GATAD1: variants seen among roughly 807,000 people sequenced by gnomAD.
The protein encoded by GATAD1 is GATA zinc finger domain containing 1.
Under a neutral mutation model 26.5 loss-of-function variants are expected in GATAD1, and 12 were observed. The ratio of observed to expected loss-of-function variants is 0.45; its 90% CI spans 0.29 to 0.73. GATAD1 has a LOEUF of 0.73. Ranked by LOEUF, GATAD1 falls within the 30% of genes least tolerant of loss-of-function variation. GATAD1 has a pLI of 0.10. For missense variants in GATAD1, 266 were observed against 342.1 expected (o/e 0.78, Z 1.75); for synonymous variants, 129 against 133.1 (o/e 0.97, Z 0.21).
chr7:92,452,115 C>G (rs1450292443), intron 3 of GATAD1, among the ~76,000 whole-genome samples: 7 of 152,240 alleles, frequency 4.6e-5, no homozygotes, highest in African/African-American at 1.7e-4. Context: ...ATCACATCTT[C>G]GTATTTGTGC....
At chr7:92,453,396 A>T (rs924163047) in intron 3 of GATAD1, among the ~76,000 whole-genome samples, 1 of 152,216 alleles carries the variant, frequency 6.6e-6, no homozygotes, top group Non-Finnish European at 1.5e-5. Flanking sequence ...AGACCCAGGG[A>T]AGAGGACATA....
In GATAD1 at chr7:92,447,531, CGCCTGCGGA is replaced by C. The variant is rs1475704803; in HGVS notation, c.-195_-187del. The C allele has an allele frequency of 3.7e-6, 2 of 544,284 alleles. No individual in the cohort carries two copies. Among genetic ancestry groups the C allele is most frequent in the East Asian group, 4.3e-5 (1 of 23,026 alleles). 33.7% of individuals were successfully genotyped at this position (544,284 alleles called of 1,614,324 possible). On this transcript the variant is annotated 5_prime_UTR_variant, in exon 1 of 5. Transcript: ENST00000287957. The stretch of plus-strand genomic sequence containing the variant: ...CCTCGGGCCAGGGAATCCTGGCCTC[CGCCTGCGGA>C]GCCGGCGGAACCCGCTTCCCGCCTC...
the GATAD1 span, among the ~76,000 whole-genome samples, chr7:92,483,244 CA>C: frequency 1.3e-5 from 2 of 152,204 alleles, no homozygotes; most frequent in African/African-American, 2.4e-5. Context: ...AGATTTCCGG[CA>C]CTTGAAGCAA....
chr7:92,490,097 C>G, the GATAD1 span: 1 of 624,290 alleles, frequency 1.6e-6, no homozygotes, highest in Admixed American at 2.6e-5. Context: ...TTCACTGATA[C>G]CTGTGTTATA....
chr7:92,486,221 T>C, the GATAD1 span, among the ~76,000 whole-genome samples: 4 of 152,354 alleles, frequency 2.6e-5, no homozygotes, highest in South Asian at 8.3e-4. Context: ...AGCCCAAGTC[T>C]GACGGCAGGT....
chr7:92,494,434 T>G, the GATAD1 span: 4 of 1,611,002 alleles, frequency 2.5e-6, no homozygotes, highest in African/African-American at 5.3e-5. Context: ...CAAAATCTGA[T>G]GACATGATGA....
the GATAD1 span, among the ~76,000 whole-genome samples, chr7:92,488,718 G>A: frequency 1.6e-3 from 240 of 150,910 alleles, 6 homozygotes; most frequent in East Asian, 0.034. Flanking sequence ...TTATTTCTTC[G>A]AAGTTACTAA....
Position 92,459,436 on chromosome 7 carries a change from T to C in GATAD1, c.*2874T>C, listed in dbSNP as rs1368824996. ...AAAGATTGAATTTCACCCAGTGTGA[T>C]GGTTCCCATTGCTTATATTTCTCCT... On this transcript the variant is annotated 3_prime_UTR_variant, in exon 5 of 5. Coordinates refer to ENST00000287957, the MANE Select transcript of GATAD1 (RefSeq NM_021167.5). The C allele has an allele frequency of 6.6e-6, 1 of 152,222 alleles. No homozygotes were observed. The highest frequency in any genetic ancestry group is 2.4e-5 in the African/African-American group (1 of 41,460). The allele number at this position is 152,222 out of a possible 1,614,324, so 9.4% of individuals were successfully genotyped here.
chr7:92,473,520 T>C, the GATAD1 span, among the ~76,000 whole-genome samples: 2 of 152,064 alleles, frequency 1.3e-5, no homozygotes, highest in Non-Finnish European at 2.9e-5. Context: ...AATTCCTTCC[T>C]CAAGCAGGGG....
intron 3 of GATAD1, among the ~76,000 whole-genome samples, chr7:92,451,939 C>G (rs1789452745): frequency 6.6e-6 from 1 of 152,218 alleles, no homozygotes; most frequent in Non-Finnish European, 1.5e-5. Context: ...AGCATAGTTC[C>G]TGGCTCTACA....
chr7:92,465,259 A>G, the GATAD1 span: 6 of 152,246 alleles, frequency 3.9e-5, no homozygotes, highest in South Asian at 2.1e-4. Context: ...TCTAAATGTT[A>G]TTTCTAAAGC....
chr7:92,486,377 ATTGT>A, the GATAD1 span, among the ~76,000 whole-genome samples: 3 of 152,164 alleles, frequency 2.0e-5, no homozygotes, highest in East Asian at 1.9e-4. Flanking sequence ...TGGTTTTTAC[ATTGT>A]TTGTTAGGCT....
chr7:92,458,355 C>T lies in GATAD1; in HGVS notation c.*1793C>T, dbSNP rs1018782100. ...TCCTGCTTGATAGTCTCTTGACTAC[C>T]ATTAAAACGAATATTGGGAGGTCAT... On this transcript the variant is annotated 3_prime_UTR_variant, in exon 5 of 5. Coordinates refer to ENST00000287957, the MANE Select transcript of GATAD1 (RefSeq NM_021167.5). 5 of 152,132 alleles carry T rather than the reference C, an allele frequency of 3.3e-5. No homozygotes were observed. Among genetic ancestry groups the T allele is most frequent in the Non-Finnish European group, 7.3e-5 (5 of 68,028 alleles). 9.4% of individuals were successfully genotyped at this position (152,132 alleles called of 1,614,324 possible). A position where few individuals can be genotyped will look rare whatever the true frequency, so the allele number is the denominator to read the frequency against.
At chr7:92,454,275 C>G in intron 3 of GATAD1, 1 of 466,884 alleles carries the variant, frequency 2.1e-6, no homozygotes, top group South Asian at 3.0e-5. Flanking sequence ...AATCTTTTCT[C>G]CAGATGTAAA....
the GATAD1 span, among the ~76,000 whole-genome samples, chr7:92,478,251 G>A: frequency 9.9e-5 from 15 of 152,272 alleles, no homozygotes; most frequent in Admixed American, 4.6e-4. Flanking sequence ...AAGGAAGCCC[G>A]CCCCAGGGAC....
At chr7:92,488,545 T>G in the GATAD1 span, among the ~76,000 whole-genome samples, 2 of 152,290 alleles carry the variant, frequency 1.3e-5, no homozygotes, top group East Asian at 3.9e-4. Flanking sequence ...AAATCCAATG[T>G]ATAACAAATG....
chr7:92,483,182 G>C, the GATAD1 span, among the ~76,000 whole-genome samples: 2 of 152,214 alleles, frequency 1.3e-5, no homozygotes, highest in African/African-American at 4.8e-5. Context: ...GCACAAATGG[G>C]ACGTGGCTTA....
downstream of GATAD1, chr7:92,463,090 A>G (rs1789980955): frequency 6.6e-6 from 1 of 152,246 alleles, no homozygotes; most frequent in Non-Finnish European, 1.5e-5. Flanking sequence ...ACATGCTATA[A>G]TGATGAACCT....
the GATAD1 span, chr7:92,492,979 C>T: frequency 3.1e-6 from 5 of 1,613,826 alleles, no homozygotes; most frequent in Middle Eastern, 1.6e-4. Context: ...AGCAGCATTC[C>T]ATGTAAGGCC....
Sources: allele counts gnomAD v4.1 joint callset (sites outside exome capture counted in the v4.1 genomes callset), GRCh38; gene constraint gnomAD v4.1.1; transcripts MANE v1.5; gene names NCBI Gene and HGNC (gene_info 2026-07-23, HGNC 2026-07-21).